GLIPR1: variants seen among roughly 807,000 people sequenced by gnomAD.
GLIPR1 encodes GLI pathogenesis related 1, also known as glioma pathogenesis-related protein 1.
GLIPR1 carries 38 observed loss-of-function variants against 30.3 expected under a neutral mutation model. The observed-to-expected ratio is 1.26, with a 90% CI of 0.97 to 1.65. The LOEUF (loss-of-function observed/expected upper bound fraction) is 1.65, where lower values mean the gene tolerates loss of function less well. GLIPR1 is among the 40% of genes most tolerant of loss of function. The pLI is 0.00. For synonymous variants in GLIPR1, 122 were observed against 110.6 expected (o/e 1.10, Z -0.65); for missense variants, 285 against 326.5 (o/e 0.87, Z 0.98).
At chr12:75,491,124 T>G (rs1357504007) in intron 3 of GLIPR1, 1 of 152,202 alleles carries the variant, frequency 6.6e-6, no homozygotes, top group Non-Finnish European at 1.5e-5. Context: ...AATTATGCTG[T>G]GAAAAATTTT....
At position 75,500,549 on chromosome 12, in the gene GLIPR1, TAATA is replaced by T. The variant is rs1235780131; in HGVS notation, c.*1572_*1575del. 1 of 151,962 alleles carries T rather than the reference TAATA, an allele frequency of 6.6e-6. No individual in the cohort carries two copies. The highest frequency in any genetic ancestry group is 2.4e-5 in the African/African-American group (1 of 41,368). 9.4% of individuals were successfully genotyped at this position (151,962 alleles called of 1,614,324 possible). A position where few individuals can be genotyped will look rare whatever the true frequency, so the allele number is the denominator to read the frequency against. Reference sequence around the variant, plus strand: ...AATATTAATTCAATGAATGACTAATTAATAGTATTTTAACAAGATTTTGGTATAT... The same window carrying T: ...AATATTAATTCAATGAATGACTAATTGTATTTTAACAAGATTTTGGTATAT... On this transcript the variant is annotated 3_prime_UTR_variant, in exon 6 of 6. Transcript: ENST00000266659.
chr12:75,486,871 T>C (rs568184990), intron 2 of GLIPR1, among the ~76,000 whole-genome samples: 3 of 152,298 alleles, frequency 2.0e-5, no homozygotes, highest in Admixed American at 2.0e-4. Context: ...ATTCTATATC[T>C]TGAATGTGGT....
In GLIPR1 at chr12:75,481,574, A is replaced by T. The variant is rs958276871; in HGVS notation, c.175-260A>T. 8.6e-6 allele frequency: 4 copies of T among 463,872 alleles called. No homozygotes were observed. In the South Asian group the frequency reaches 1.0e-4, roughly 12 times the overall value. 28.7% of individuals were successfully genotyped at this position (463,872 alleles called of 1,614,324 possible). A position where few individuals can be genotyped will look rare whatever the true frequency, so the allele number is the denominator to read the frequency against. ...TGTGGTTATGGAATAATGTTGTGAA[A>T]CACGGCACACACTATTTTGCCCACA... On this transcript the variant is annotated intron_variant, in intron 1 of 5. Transcript: ENST00000266659.
rs562993775 is a variant in GLIPR1 at position 75,495,477 on chromosome 12, TCACTC to T, written c.534-95_534-91del. ...TACCAACTCTCTGGACCTTTGTACT[TCACTC>T]CACTATTCTTCTGGATTTAGTTAAG... On this transcript the variant is annotated intron_variant, in intron 3 of 5. Coordinates refer to ENST00000266659, the MANE Select transcript of GLIPR1 (RefSeq NM_006851.3). 3.2e-4 allele frequency: 211 copies of T among 668,816 alleles called. 1 individual carries two copies. Among genetic ancestry groups the T allele is most frequent in the South Asian group, 3.0e-3 (174 of 58,392 alleles). The allele number at this position is 668,816 out of a possible 1,614,324, so 41.4% of individuals were successfully genotyped here.
chr12:75,490,142 C>T (rs2046312885), intron 2 of GLIPR1, among the ~76,000 whole-genome samples: 1 of 150,624 alleles, frequency 6.6e-6, no homozygotes, highest in Non-Finnish European at 1.5e-5. Context: ...GCAATCACTC[C>T]CTATTGCATT....
Position 75,501,472 on chromosome 12 carries a change from C to T in GLIPR1, c.*2494C>T. On this transcript the variant is annotated 3_prime_UTR_variant, in exon 6 of 6. Transcript: ENST00000266659. The stretch of plus-strand genomic sequence containing the variant: ...TGCCCTGGGTTTGTATCTTTCACAA[C>T]AAAGAGTCTTTTCCAAGCACAGACC... 2.6e-6 allele frequency: 1 copy of T among 381,656 alleles called. No homozygotes were observed. The highest frequency in any genetic ancestry group is 2.1e-5 in the African/African-American group (1 of 48,162). 23.6% of individuals were successfully genotyped at this position (381,656 alleles called of 1,614,324 possible).
chr12:75,490,580 C>CA (rs1566097721), intron 3 of GLIPR1, 62 bp downstream of exon 3: 16 of 237,496 alleles, frequency 6.7e-5, no homozygotes, highest in Admixed American at 1.6e-4. Context: ...AAAAAAACAA[C>CA]AACAAAAAAA....
intron 2 of GLIPR1, among the ~76,000 whole-genome samples, chr12:75,486,022 T>C (rs548265815): frequency 6.6e-6 from 1 of 152,146 alleles, no homozygotes; most frequent in South Asian, 2.1e-4. Context: ...AGTGCTTTTG[T>C]AAGAAAGGTA....
chr12:75,494,214 C>T (rs922631017), intron 3 of GLIPR1: 2 of 152,164 alleles, frequency 1.3e-5, no homozygotes, highest in African/African-American at 2.4e-5. Context: ...TGAGAGTTCT[C>T]AACTTTGGAG....
In GLIPR1 at chr12:75,500,204, T is replaced by TCATA; in HGVS notation, c.*1226_*1227insCATA. 1 of 242,502 alleles carries TCATA rather than the reference T, an allele frequency of 4.1e-6. No individual in the cohort carries two copies. Among genetic ancestry groups the TCATA allele is most frequent in the Admixed American group, 5.6e-5 (1 of 17,932 alleles). 15.0% of individuals were successfully genotyped at this position (242,502 alleles called of 1,614,324 possible). On this transcript the variant is annotated 3_prime_UTR_variant, in exon 6 of 6. Coordinates refer to ENST00000266659, the MANE Select transcript of GLIPR1 (RefSeq NM_006851.3). ...AGTACAAGTATACATAAAAATGGCA[T>TCATA]AAATGGCATAATTGAACCAATTACT...
In GLIPR1 at chr12:75,499,395, CAG is replaced by C. The variant is rs1385322499; in HGVS notation, c.*420_*421del. On this transcript the variant is annotated 3_prime_UTR_variant, in exon 6 of 6. Transcript: ENST00000266659. The stretch of plus-strand genomic sequence containing the variant: ...GTTTACTACTTCCCCAGATTCAGAA[CAG>C]AGGAGTAACTAGGGGATCTGATTTT... The C allele has an allele frequency of 1.2e-5, 2 of 160,742 alleles. No individual in the cohort carries two copies. The highest frequency in any genetic ancestry group is 2.7e-5 in the Non-Finnish European group (2 of 74,538). 10.0% of individuals were successfully genotyped at this position (160,742 alleles called of 1,614,324 possible).
chr12:75,493,041 A>G (rs1178900720), intron 3 of GLIPR1: 2 of 152,204 alleles, frequency 1.3e-5, no homozygotes, highest in Middle Eastern at 3.2e-3. Context: ...TCCGTGAAGA[A>G]AAGTTTGGCA....
chr12:75,495,970 C>A, intron 4 of GLIPR1: 3 of 182,758 alleles, frequency 1.6e-5, no homozygotes, highest in Admixed American at 6.1e-5. Flanking sequence ...TATAACAGGT[C>A]ATCCAAACAA....
At chr12:75,491,788 T>C (rs558638345) in intron 3 of GLIPR1, 14 of 152,162 alleles carry the variant, frequency 9.2e-5, no homozygotes, top group African/African-American at 2.9e-4. Flanking sequence ...GATTTTCTTA[T>C]TTATAAAAGT....
rs1220455025 is a variant in GLIPR1 at position 75,495,560 on chromosome 12, C to G, written c.534-17C>G. The G allele has an allele frequency of 6.8e-7, 1 of 1,464,808 alleles. No individual in the cohort carries two copies. The highest frequency in any genetic ancestry group is 1.4e-5 in the African/African-American group (1 of 71,756). The allele number at this position is 1,464,808 out of a possible 1,614,324, so 90.7% of individuals were successfully genotyped here. A position where few individuals can be genotyped will look rare whatever the true frequency, so the allele number is the denominator to read the frequency against. The stretch of plus-strand genomic sequence containing the variant: ...AACCGAAAAACTTCTAATGGACATC[C>G]TTCTTCTGCTTTACAGAGGGAATTA... On this transcript the variant is annotated splice_polypyrimidine_tract_variant and intron_variant, in intron 3 of 5. Coordinates refer to ENST00000266659, the MANE Select transcript of GLIPR1 (RefSeq NM_006851.3).
At position 75,495,610 on chromosome 12, in the gene GLIPR1, A is replaced by G. The variant is rs562658998; in HGVS notation, c.567A>G (p.Gly189=). ...GNYPTWPYKR[G]ATCSACPNND... is the part of the protein sequence containing the mutation. ...ACCCAACTTGGCCATATAAGAGAGG[A>G]GCCACCTGCAGTGCCTGCCCCAATA... is the stretch of plus-strand genomic sequence containing the variant. The change falls in exon 4 of 6, where the codon GGA becomes GGG. Residue 189 remains glycine (G), a synonymous_variant. Coordinates refer to ENST00000266659, the MANE Select transcript of GLIPR1 (RefSeq NM_006851.3). 1.2e-6 allele frequency: 2 copies of G among 1,611,180 alleles called. No individual in the cohort carries two copies. The highest frequency in any genetic ancestry group is 1.3e-5 in the African/African-American group (1 of 74,970).
chr12:75,490,070 G>A (rs1036161476), intron 2 of GLIPR1, among the ~76,000 whole-genome samples: 22 of 152,002 alleles, frequency 1.4e-4, no homozygotes, highest in South Asian at 1.0e-3. Context: ...CATCCTCGTC[G>A]TCCAAGTCTC....
Position 75,501,983 on chromosome 12 carries a change from A to G in GLIPR1, c.*3005A>G, listed in dbSNP as rs754022990. 6.2e-7 allele frequency: 1 copy of G among 1,611,814 alleles called. No individual in the cohort carries two copies. The highest frequency in any genetic ancestry group is 8.5e-7 in the Non-Finnish European group (1 of 1,178,848). The stretch of plus-strand genomic sequence containing the variant: ...TTGCCTTCAAAAAGTATTCACCACT[A>G]GCCAATTCTTTATCGATCTGTTGAA... On this transcript the variant is annotated 3_prime_UTR_variant, in exon 6 of 6. Transcript: ENST00000266659.
chr12:75,498,567 G>A, intron 4 of GLIPR1, 127 bp from the exon 5 acceptor site: 1 of 686,292 alleles, frequency 1.5e-6, no homozygotes, highest in Non-Finnish European at 2.5e-6. Context: ...AATTAAACTT[G>A]GAAAGTCACT....
Sources: allele counts gnomAD v4.1 joint callset (sites outside exome capture counted in the v4.1 genomes callset), GRCh38; gene constraint gnomAD v4.1.1; transcripts MANE v1.5; gene names NCBI Gene and HGNC (gene_info 2026-07-23, HGNC 2026-07-21).